The following PXK variants were observed in gnomAD, a reference collection of about 807,000 sequenced individuals.
The protein encoded by PXK is PX domain-containing protein kinase-like protein.
A neutral mutation model predicts 84.7 loss-of-function variants in PXK; 35 were observed. The observed-to-expected ratio is 0.41, with a 90% CI of 0.32 to 0.55. The LOEUF (loss-of-function observed/expected upper bound fraction) is 0.55, where lower values mean the gene tolerates loss of function less well. PXK is among the 20% of genes least tolerant of loss of function. The probability of loss-of-function intolerance (pLI) is 0.21; values close to 1 mark genes in which losing one functional copy is unlikely to be tolerated. For synonymous variants in PXK, 253 were observed against 260.8 expected (o/e 0.97, Z 0.29); for missense variants, 634 against 699.7 (o/e 0.91, Z 1.06).
chr3:58,378,492 C>CTTTTTTT (rs1159247642), intron 3 of PXK, among the ~76,000 whole-genome samples: 1 of 24,318 alleles, frequency 4.1e-5, no homozygotes, highest in Non-Finnish European at 8.2e-5. Context: ...CATTTTTCTT[C>CTTTTTTT]TTTTTTTTTT....
At position 58,369,451 on chromosome 3, in the gene PXK, C is replaced by T. The variant is rs765175220; in HGVS notation, c.174C>T (p.Asp58=). 4.3e-6 allele frequency: 7 copies of T among 1,610,474 alleles called. No individual in the cohort carries two copies. In the South Asian group the frequency reaches 7.7e-5, roughly 18 times the overall value. ...TACAGATTGTTAGAAGATACAGTGA[C>T]TTTGATTTGCTTAACAACAGCTTAC... is the stretch of plus-strand genomic sequence containing the variant. ...NSWQIVRRYS[D]FDLLNNSLQI... Residue 58 remains aspartate, a synonymous_variant, in exon 3 of 18, where the codon GAC becomes GAT. Transcript: ENST00000356151.
chr3:58,370,153 A>C lies in PXK; in HGVS notation c.201+675A>C, dbSNP rs1454073562. Among the ~76,000 whole-genome samples, 2 of 152,254 alleles carry C rather than the reference A, an allele frequency of 1.3e-5. No individual in the cohort carries two copies. The highest frequency in any genetic ancestry group is 2.4e-5 in the African/African-American group (1 of 41,474). ...GAATCTCTTCATTGAACTAGGCTAC[A>C]TATCAGCTCTGCGGATCAACATGCA... On this transcript the variant is annotated intron_variant, in intron 3 of 17. Transcript: ENST00000356151. The surrounding 1 kb of genome is among the most constrained non-coding windows in gnomAD (Gnocchi z 4.2).
At chr3:58,357,456 A>C (rs1233665557) in intron 1 of PXK, among the ~76,000 whole-genome samples, 1 of 152,160 alleles carries the variant, frequency 6.6e-6, no homozygotes, top group Non-Finnish European at 1.5e-5. Context: ...ACACCTCCTG[A>C]AGGACCTGTC....
intron 3 of PXK, among the ~76,000 whole-genome samples, chr3:58,373,279 T>C (rs34987857): frequency 0.078 from 11,111 of 141,736 alleles, 530 homozygotes; most frequent in South Asian, 0.11. Flanking sequence ...GGGATTTCAC[T>C]GTGTTAGCCA....
chr3:58,394,148 T>A (rs2098658136), intron 7 of PXK, among the ~76,000 whole-genome samples: 1 of 152,188 alleles, frequency 6.6e-6, no homozygotes, highest in Non-Finnish European at 1.5e-5. Flanking sequence ...TTTTCCTGGG[T>A]ACACCTTTCC....
rs540581296 is a variant in PXK, at chr3:58,404,762, C to A, written c.1230+852C>A. On this transcript the variant is annotated intron_variant, in intron 13 of 17. Transcript: ENST00000356151. ...CTCTCCTTTCTATATTCCAAAAGAA[C>A]ATGTAATACTATTAGGATGAAAATA... Among the ~76,000 whole-genome samples the A allele has an allele frequency of 2.9e-3, 437 of 152,112 alleles. 1 individual carries two copies. Among genetic ancestry groups the A allele is most frequent in the African/African-American group, 0.01 (424 of 41,492 alleles).
At chr3:58,367,375 G>A (rs971904048) in intron 2 of PXK, among the ~76,000 whole-genome samples, 3 of 152,098 alleles carry the variant, frequency 2.0e-5, no homozygotes, top group East Asian at 1.9e-4. Flanking sequence ...CTCCCGAGTA[G>A]CTGGGACTAC....
At chr3:58,369,562 A>T in intron 3 of PXK, 84 bp downstream of exon 3, 2 of 1,089,226 alleles carry the variant, frequency 1.8e-6, no homozygotes, top group Admixed American at 1.8e-5. Flanking sequence ...CGGTGGCTCA[A>T]CGCCTGTAAT....
intron 7 of PXK, among the ~76,000 whole-genome samples, chr3:58,394,769 C>T (rs1264399835): frequency 6.6e-6 from 1 of 152,210 alleles, no homozygotes; most frequent in Non-Finnish European, 1.5e-5. Context: ...CATTATCTGT[C>T]TCCTGTTTTC....
rs1020126344 is a variant in PXK, at chr3:58,383,665, G to GC, written c.388+965_388+966insC. ...CTGGCATGAATAACCTAAGCCTGAT[G>GC]TCAGCAGAATGAGAAACTAAATACT... is the stretch of plus-strand genomic sequence containing the variant. On this transcript the variant is annotated intron_variant, in intron 4 of 17. Coordinates refer to ENST00000356151, the MANE Select transcript of PXK (RefSeq NM_017771.5). This position sits in a 1 kb window ranked among gnomAD's most constrained non-coding sequence, Gnocchi z 4.0. Among the ~76,000 whole-genome samples the GC allele has an allele frequency of 6.6e-6, 1 of 152,212 alleles. No homozygotes were observed. The highest frequency in any genetic ancestry group is 2.4e-5 in the African/African-American group (1 of 41,462).
intron 3 of PXK, among the ~76,000 whole-genome samples, chr3:58,378,431 A>G (rs140071357): frequency 9.0e-4 from 136 of 151,244 alleles, no homozygotes; most frequent in African/African-American, 3.2e-3. Context: ...CCAGACTCCT[A>G]CAGGACTCAT....
At chr3:58,420,698 T>C in intron 17 of PXK, 1 of 1,486,068 alleles carries the variant, frequency 6.7e-7, no homozygotes, top group South Asian at 1.3e-5. Context: ...TATTTCCTTA[T>C]CTGAATATTT....
chr3:58,389,986 T>A (rs1472759813), intron 4 of PXK, among the ~76,000 whole-genome samples: 1 of 93,614 alleles, frequency 1.1e-5, no homozygotes, highest in Non-Finnish European at 2.0e-5. Context: ...GTAACAAGAG[T>A]GAAACTCCGT....
intron 1 of PXK, among the ~76,000 whole-genome samples, chr3:58,346,113 C>G (rs1361086616): frequency 6.6e-6 from 1 of 152,118 alleles, no homozygotes; most frequent in African/African-American, 2.4e-5. Flanking sequence ...TTCATTCATT[C>G]CAACTGGGTT....
At chr3:58,373,426 G>T (rs779581549) in intron 3 of PXK, among the ~76,000 whole-genome samples, 1 of 152,138 alleles carries the variant, frequency 6.6e-6, no homozygotes, top group African/African-American at 2.4e-5. Context: ...AAATAAAGGG[G>T]TTGAACTAGA....
At position 58,370,682 on chromosome 3, in the gene PXK, G is replaced by A. The variant is rs144759639; in HGVS notation, c.201+1204G>A. Among the ~76,000 whole-genome samples, 377 of 152,210 alleles carry A rather than the reference G, an allele frequency of 2.5e-3. 2 individuals are homozygous for A. The highest frequency in any genetic ancestry group is 5.3e-3 in the Admixed American group (81 of 15,286). On this transcript the variant is annotated intron_variant, in intron 3 of 17. Coordinates refer to ENST00000356151, the MANE Select transcript of PXK (RefSeq NM_017771.5). This position sits in a 1 kb window ranked among gnomAD's most constrained non-coding sequence, Gnocchi z 4.2. ...TACTTCCTTTCCTTCAGAAGGCCAC[G>A]TTTTGTTGGTCAGACTTCAGAAAAT...
In PXK at chr3:58,397,335, C is replaced by T. The variant is rs919910633; in HGVS notation, c.984+135C>T. 8 of 1,102,944 alleles carry T rather than the reference C, an allele frequency of 7.3e-6. No individual in the cohort carries two copies. Among genetic ancestry groups the T allele is most frequent in the African/African-American group, 6.2e-5 (4 of 64,494 alleles). 68.3% of individuals were successfully genotyped at this position (1,102,944 alleles called of 1,614,324 possible). ...AGGCCTTGCCCGTCAGCCCTTGCAG[C>T]GTTGCTGTATCTCTGGGAGGCTGAG... On this transcript the variant is annotated intron_variant, in intron 10 of 17. Coordinates refer to ENST00000356151, the MANE Select transcript of PXK (RefSeq NM_017771.5). The surrounding 1 kb of genome is among the most constrained non-coding windows in gnomAD (Gnocchi z 4.7).
chr3:58,382,103 G>A (rs1307773606), intron 3 of PXK, among the ~76,000 whole-genome samples: 1 of 152,160 alleles, frequency 6.6e-6, no homozygotes, highest in Non-Finnish European at 1.5e-5. Context: ...ATCACTTGAG[G>A]TCAGGAGTTT....
Position 58,397,783 on chromosome 3 carries a change from C to T in PXK, c.1102+61C>T. ...AGTAGTGTGCAGAGCCACTCATCCC[C>T]TTTCCAGAGTCCAGGAAAGACCCAG... On this transcript the variant is annotated intron_variant, in intron 11 of 17. Transcript: ENST00000356151. This position sits in a 1 kb window ranked among gnomAD's most constrained non-coding sequence, Gnocchi z 4.7. 7.4e-7 allele frequency: 1 copy of T among 1,357,728 alleles called. No individual in the cohort carries two copies. 84.1% of individuals were successfully genotyped at this position (1,357,728 alleles called of 1,614,324 possible).
Sources: gnomAD v4.1 joint callset for allele counts (sites outside exome capture counted in the v4.1 genomes callset) on GRCh38, gnomAD v4.1.1 for gene constraint, Gnocchi (gnomAD v3.1) non-coding constraint, MANE v1.5 for transcripts, NCBI Gene and HGNC (gene_info 2026-07-23, HGNC 2026-07-21) for gene names.